SLC7A2: variants seen among roughly 807,000 people sequenced by gnomAD.
SLC7A2 encodes cationic amino acid transporter 2.
SLC7A2 carries 48 observed loss-of-function variants against 58.9 expected under a neutral mutation model. The observed-to-expected ratio is 0.82, with a 90% confidence interval of 0.65 to 1.04. SLC7A2 has a LOEUF of 1.04. Among genes scored for constraint, SLC7A2 ranks in the 50% least tolerant of loss-of-function variants. The pLI, the probability that SLC7A2 is intolerant of heterozygous loss-of-function variation, is 0.00. For synonymous variants in SLC7A2, 363 were observed against 314.5 expected, an observed-to-expected ratio of 1.15 and a Z score of -1.63; for missense variants, 1,029 against 818.8, an observed-to-expected ratio of 1.26 and a Z score of -3.13.
At position 17,566,772 on chromosome 8, in the gene SLC7A2, A is replaced by G. The variant is rs1227986987; in HGVS notation, c.*1626A>G. 2.0e-5 allele frequency: 3 copies of G among 152,042 alleles called. No homozygotes were observed. Among genetic ancestry groups the G allele is most frequent in the African/African-American group, 4.8e-5 (2 of 41,370 alleles). 9.4% of individuals were successfully genotyped at this position (152,042 alleles called of 1,614,324 possible). A position where few individuals can be genotyped will look rare whatever the true frequency, so the allele number is the denominator to read the frequency against. ...GCAGTGTATTTGCTTCTCATGAACT[A>G]TTTCTCGTACAAATCATTAAATAGT... On this transcript the variant is annotated 3_prime_UTR_variant, in exon 13 of 13. Coordinates refer to ENST00000494857, the MANE Select transcript of SLC7A2 (RefSeq NM_001370338.1).
rs531540517 is a variant in SLC7A2, at chr8:17,565,094, C to T, written c.1925C>T (p.Pro642Leu). 4 of 1,613,806 alleles carry T rather than the reference C, an allele frequency of 2.5e-6. No individual in the cohort carries two copies. The highest frequency in any genetic ancestry group is 1.3e-5 in the African/African-American group (1 of 75,000). The change falls in exon 13 of 13, where the codon CCA (proline) becomes CTA (leucine). Residue 642 changes from proline (P) to leucine (L), a missense_variant. Pro to Leu is a moderately conservative substitution (Grantham distance 98, BLOSUM62 -3). Coordinates refer to ENST00000494857, the MANE Select transcript of SLC7A2 (RefSeq NM_001370338.1). ...KSAIQANDHH[P>L]RNLSSPFIFH... ...GCCATTCAAGCAAATGACCATCACC[C>T]AAGAAATCTCAGTTCACCTTTCATA...
chr8:17,535,301 C>T (rs562886447), intron 2 of SLC7A2, among the ~76,000 whole-genome samples: 4 of 152,272 alleles, frequency 2.6e-5, no homozygotes, highest in Non-Finnish European at 5.9e-5. Flanking sequence ...CGCCCCCTCC[C>T]GCCCTCCTTC....
intron 2 of SLC7A2, among the ~76,000 whole-genome samples, chr8:17,510,258 G>C (rs1800549864): frequency 7.0e-6 from 1 of 143,420 alleles, no homozygotes; most frequent in Admixed American, 7.1e-5. Flanking sequence ...AATAATAAAA[G>C]AGTGAGCTGG....
At chr8:17,541,934 A>G (rs575166776) in intron 2 of SLC7A2, among the ~76,000 whole-genome samples, 55 of 152,184 alleles carry the variant, frequency 3.6e-4, no homozygotes, top group Non-Finnish European at 5.9e-4. Flanking sequence ...TAGATTGTTT[A>G]GGCTTGCAGG....
chr8:17,511,688 G>T (rs1220761117), intron 2 of SLC7A2, among the ~76,000 whole-genome samples: 1 of 152,102 alleles, frequency 6.6e-6, no homozygotes, highest in Non-Finnish European at 1.5e-5. Context: ...ATAACTGAAG[G>T]TGACGTTTTT....
At chr8:17,499,894 C>T (rs1198521410) in intron 1 of SLC7A2, 1 of 152,130 alleles carries the variant, frequency 6.6e-6, no homozygotes, top group Admixed American at 6.6e-5. Context: ...AATAACTTTT[C>T]ATTTTAGTAC....
intron 12 of SLC7A2, among the ~76,000 whole-genome samples, chr8:17,564,199 C>T (rs1436365036): frequency 1.3e-5 from 2 of 152,172 alleles, no homozygotes; most frequent in Non-Finnish European, 2.9e-5. Context: ...ACAGAGTGTA[C>T]TTTGCAAAAT....
intron 2 of SLC7A2, among the ~76,000 whole-genome samples, chr8:17,505,609 A>G (rs1009997693): frequency 1.3e-5 from 2 of 152,202 alleles, no homozygotes; most frequent in African/African-American, 4.8e-5. Flanking sequence ...ATGGGCCAGA[A>G]ACAAATTTAC....
intron 2 of SLC7A2, among the ~76,000 whole-genome samples, chr8:17,525,575 A>G (rs1801189955): frequency 1.3e-5 from 2 of 152,168 alleles, no homozygotes; most frequent in Admixed American, 6.5e-5. Flanking sequence ...GGTGCAGGTG[A>G]TAATCCGGGA....
Position 17,537,139 on chromosome 8 carries a change from C to T in SLC7A2, c.-22-6179C>T, listed in dbSNP as rs527379633. On this transcript the variant is annotated intron_variant, in intron 2 of 12. Coordinates refer to ENST00000494857, the MANE Select transcript of SLC7A2 (RefSeq NM_001370338.1). ...TGGCACGATCTTGGCTCACCGCAAC[C>T]TCTGCCTCCTGAGTTCAAGCAATTC... 4.6e-5 allele frequency among the ~76,000 whole-genome samples: 7 copies of T among 152,340 alleles called. No homozygotes were observed. In the South Asian group the frequency reaches 1.4e-3, roughly 32 times the overall value.
intron 9 of SLC7A2, among the ~76,000 whole-genome samples, chr8:17,559,506 C>T (rs537916892): frequency 1.4e-4 from 22 of 152,166 alleles, no homozygotes; most frequent in African/African-American, 4.8e-4. Context: ...GCAGAGGTTG[C>T]AGTGAGCTGA....
At chr8:17,540,966 T>TG (rs1250404192) in intron 2 of SLC7A2, among the ~76,000 whole-genome samples, 4 of 152,198 alleles carry the variant, frequency 2.6e-5, no homozygotes, top group Admixed American at 2.6e-4. Context: ...TACTCCACCA[T>TG]GGGCATGTTT....
chr8:17,569,628 T>A lies in SLC7A2; in HGVS notation c.*4482T>A, dbSNP rs534983569. The A allele has an allele frequency of 6.6e-6, 1 of 152,350 alleles. No homozygotes were observed. Among genetic ancestry groups the A allele is most frequent in the Admixed American group, 6.5e-5 (1 of 15,302 alleles). 9.4% of individuals were successfully genotyped at this position (152,350 alleles called of 1,614,324 possible). On this transcript the variant is annotated 3_prime_UTR_variant, in exon 13 of 13. Transcript: ENST00000494857. ...GGTTTCTGGATTTTGAGAAGCCTGA[T>A]CTGTTATTGTTGTGGTTGTTGGTGT...
chr8:17,540,631 T>A (rs1801871870), intron 2 of SLC7A2, among the ~76,000 whole-genome samples: 1 of 152,192 alleles, frequency 6.6e-6, no homozygotes, highest in Non-Finnish European at 1.5e-5. Context: ...AATTTCGTAT[T>A]GAAGAGATGA....
intron 2 of SLC7A2, among the ~76,000 whole-genome samples, chr8:17,529,514 T>G (rs983661583): frequency 2.1e-5 from 3 of 145,580 alleles, no homozygotes; most frequent in African/African-American, 5.0e-5. Flanking sequence ...TTTTCTTTGT[T>G]TTTGGTTTTG....
chr8:17,561,626 G>A (rs1458895959), intron 10 of SLC7A2, among the ~76,000 whole-genome samples: 3 of 152,146 alleles, frequency 2.0e-5, no homozygotes, highest in Admixed American at 6.5e-5. Flanking sequence ...ATCCAACCCC[G>A]ACAGCATTCT....
At chr8:17,551,403 A>G (rs1023196894) in intron 6 of SLC7A2, among the ~76,000 whole-genome samples, 3 of 152,192 alleles carry the variant, frequency 2.0e-5, no homozygotes, top group African/African-American at 4.8e-5. Flanking sequence ...ATTAGAGACT[A>G]GACTGGCCAA....
intron 8 of SLC7A2, among the ~76,000 whole-genome samples, chr8:17,555,676 C>T (rs1036104046): frequency 4.6e-5 from 7 of 152,148 alleles, no homozygotes; most frequent in Non-Finnish European, 8.8e-5. Context: ...CATACATATC[C>T]TCTCCAACTC....
intron 2 of SLC7A2, among the ~76,000 whole-genome samples, chr8:17,542,309 G>T (rs999277405): frequency 6.6e-6 from 1 of 152,170 alleles, no homozygotes; most frequent in African/African-American, 2.4e-5. Context: ...CTATGTAAGA[G>T]ATCATTCTAC....
Sources: allele counts gnomAD v4.1 joint callset (sites outside exome capture counted in the v4.1 genomes callset), GRCh38; gene constraint gnomAD v4.1.1; transcripts MANE v1.5; gene names NCBI Gene and HGNC (gene_info 2026-07-23, HGNC 2026-07-21).